The following CGNL1 variants were observed in gnomAD, a reference collection of about 807,000 sequenced individuals.
CGNL1 encodes cingulin like 1, also known as cingulin-like protein 1.
A neutral mutation model predicts 141.2 loss-of-function variants in CGNL1; 132 were observed. The ratio of observed to expected loss-of-function variants is 0.93; its 90% CI spans 0.81 to 1.08. CGNL1 has a LOEUF of 1.08. CGNL1 is among the 50% of genes least tolerant of loss of function. The pLI, the probability that CGNL1 is intolerant of heterozygous loss-of-function variation, is 0.00. For missense variants in CGNL1, 1,870 were observed against 1,588.6 expected (o/e 1.18, Z -3.01); for synonymous variants, 690 against 622.1 (o/e 1.11, Z -1.63).
chr15:57,528,737 G>A lies in CGNL1; in HGVS notation c.3123G>A (p.Thr1041=), dbSNP rs760200854. Residue 1041 remains threonine (T), a synonymous_variant, in exon 13 of 19, where the codon ACG becomes ACA. Coordinates refer to ENST00000281282, the MANE Select transcript of CGNL1 (RefSeq NM_032866.5). ...CAAAAAGGCAGCTTCTGGAGCAGAC[G>A]CTGAAGGACCTGGAGTATGAGCTGG... ...ALTKRQLLEQ[T]LKDLEYELEA... is the part of the protein sequence containing the mutation. 1.3e-5 allele frequency: 21 copies of A among 1,614,028 alleles called. No homozygotes were observed. The highest frequency in any genetic ancestry group is 1.6e-4 in the Middle Eastern group (1 of 6,084).
rs770201755 is a variant in CGNL1, at chr15:57,438,649, G to A, written c.650G>A (p.Arg217His). Reference sequence around the variant, plus strand: ...GCCAAATCTGGTGTGACAGCTATTCGTTTATGCAGCTCCGTGGTCATAGAG... The same window carrying A: ...GCCAAATCTGGTGTGACAGCTATTCATTTATGCAGCTCCGTGGTCATAGAG... The part of the protein sequence containing the change: ...DPAKSGVTAI[R>H]LCSSVVIEDP... Residue 217 changes from arginine to histidine, a missense_variant, in exon 2 of 19, where the codon CGT (arginine) becomes CAT (histidine). By Grantham distance (29) the Arg-to-His change is conservative. Coordinates refer to ENST00000281282, the MANE Select transcript of CGNL1 (RefSeq NM_032866.5). The A allele has an allele frequency of 1.8e-5, 29 of 1,614,108 alleles. No homozygotes were observed. The South Asian group carries it at 3.0e-4, about 16-fold the overall frequency.
intron 1 of CGNL1, among the ~76,000 whole-genome samples, chr15:57,394,643 GT>G (rs1329408871): frequency 1.3e-5 from 2 of 152,202 alleles, no homozygotes; most frequent in African/African-American, 4.8e-5. Flanking sequence ...TATTGTATCA[GT>G]GTTACAAATG....
intron 1 of CGNL1, among the ~76,000 whole-genome samples, chr15:57,419,305 A>G (rs566126433): frequency 1.3e-5 from 2 of 152,234 alleles, no homozygotes; most frequent in Admixed American, 6.5e-5. Context: ...AATTGCAAAG[A>G]TCATACAGAA....
chr15:57,414,789 TCTC>T (rs1180567323), intron 1 of CGNL1, among the ~76,000 whole-genome samples: 34 of 152,194 alleles, frequency 2.2e-4, no homozygotes, highest in African/African-American at 8.0e-4. Context: ...GGCTTCAAAT[TCTC>T]CTTATTAAAC....
intron 1 of CGNL1, among the ~76,000 whole-genome samples, chr15:57,433,534 C>T (rs1401247701): frequency 6.6e-6 from 1 of 152,206 alleles, no homozygotes; most frequent in Non-Finnish European, 1.5e-5. Context: ...AAATGAGGTG[C>T]TTTGCCTGCA....
chr15:57,451,631 T>C (rs1281694703), intron 5 of CGNL1, 30 bp downstream of exon 5: 10 of 1,489,028 alleles, frequency 6.7e-6, no homozygotes, highest in Non-Finnish European at 9.3e-6. Flanking sequence ...TGTTATTTTT[T>C]CCATTTCTGT....
chr15:57,436,373 G>T (rs180784573), intron 1 of CGNL1, among the ~76,000 whole-genome samples: 1 of 152,170 alleles, frequency 6.6e-6, no homozygotes, highest in East Asian at 1.9e-4. Context: ...AAGCTTTTGG[G>T]CTATGTGATG....
In CGNL1 at chr15:57,438,024, C is replaced by G; in HGVS notation, c.25C>G (p.Gln9Glu). The change falls in exon 2 of 19, where the codon CAA becomes GAA. Residue 9 changes from glutamine (Q) to glutamate (E), a missense_variant. By Grantham distance (29) the Gln-to-Glu change is conservative. Coordinates refer to ENST00000281282, the MANE Select transcript of CGNL1 (RefSeq NM_032866.5). MELYFGEYQHVQQEYGVHL... is the reference protein window; with the variant it reads MELYFGEYEHVQQEYGVHL... ...CATGGAGCTGTATTTCGGTGAATAT[C>G]AACATGTGCAGCAGGAATATGGGGT... 6.2e-7 allele frequency: 1 copy of G among 1,613,012 alleles called. No homozygotes were observed. The highest frequency in any genetic ancestry group is 8.5e-7 in the Non-Finnish European group (1 of 1,179,936).
At chr15:57,387,427 A>G (rs1333570648) in intron 1 of CGNL1, among the ~76,000 whole-genome samples, 2 of 151,944 alleles carry the variant, frequency 1.3e-5, no homozygotes, top group Non-Finnish European at 2.9e-5. Context: ...TATTTTTTCC[A>G]CTTTTCCCAT....
At chr15:57,423,698 G>C (rs994549927) in intron 1 of CGNL1, among the ~76,000 whole-genome samples, 2 of 152,132 alleles carry the variant, frequency 1.3e-5, no homozygotes, top group African/African-American at 4.8e-5. Context: ...GGGATGCCAG[G>C]CTCTCCAGAT....
chr15:57,459,899 C>A (rs539392145), intron 7 of CGNL1, among the ~76,000 whole-genome samples: 1 of 152,206 alleles, frequency 6.6e-6, no homozygotes, highest in African/African-American at 2.4e-5. Context: ...CACAGGACAT[C>A]CAGATGGGTT....
intron 8 of CGNL1, among the ~76,000 whole-genome samples, chr15:57,483,468 C>CTTT (rs60667956): frequency 0.19 from 24,563 of 127,578 alleles, 3,089 homozygotes; most frequent in Non-Finnish European, 0.28. Flanking sequence ...ACAAAGTTTT[C>CTTT]TTTTTTTTTT....
intron 8 of CGNL1, among the ~76,000 whole-genome samples, chr15:57,474,220 C>T (rs147621050): frequency 6.6e-6 from 1 of 152,246 alleles, no homozygotes; most frequent in African/African-American, 2.4e-5. Flanking sequence ...CTTTGAGTCA[C>T]TGCTTGATTC....
At position 57,518,425 on chromosome 15, in the gene CGNL1, G is replaced by A. The variant is rs779421291; in HGVS notation, c.2643G>A (p.Val881=). 53 of 1,613,344 alleles carry A rather than the reference G, an allele frequency of 3.3e-5. No homozygotes were observed. The highest frequency in any genetic ancestry group is 4.5e-5 in the Non-Finnish European group (53 of 1,179,736). Residue 881 remains valine, a synonymous_variant, in exon 10 of 19, where the codon GTG becomes GTA. Transcript: ENST00000281282. The part of the protein sequence containing the change: ...GEIRQLEEAL[V]HARKEEKEAV... The stretch of plus-strand genomic sequence containing the variant: ...TACGACAGTTAGAGGAGGCCCTTGT[G>A]CACGCCAGAAAGGAAGAAAAAGAAG...
rs192534665 is a variant in CGNL1 at position 57,418,788 on chromosome 15, A to C, written c.-15-19197A>C. ...AGCAGTGTTCTGAGACCTGACCAGCATGTGTGCCCGGTGACCTATTGAATG... is the reference window on the plus strand; with the variant it reads ...AGCAGTGTTCTGAGACCTGACCAGCCTGTGTGCCCGGTGACCTATTGAATG... On this transcript the variant is annotated intron_variant, in intron 1 of 18. Transcript: ENST00000281282. Among the ~76,000 whole-genome samples the C allele has an allele frequency of 3.5e-3, 529 of 152,244 alleles. 1 individual carries two copies. The highest frequency in any genetic ancestry group is 4.6e-3 in the Non-Finnish European group (311 of 68,018).
chr15:57,493,729 C>G (rs1421810176), intron 8 of CGNL1, among the ~76,000 whole-genome samples: 7 of 152,200 alleles, frequency 4.6e-5, no homozygotes, highest in African/African-American at 9.6e-5. Flanking sequence ...TTTTAGAAAC[C>G]TTTGAAGTAC....
intron 8 of CGNL1, among the ~76,000 whole-genome samples, chr15:57,515,244 G>A (rs1256240078): frequency 3.3e-5 from 5 of 152,218 alleles, no homozygotes; most frequent in African/African-American, 1.2e-4. Flanking sequence ...AGCAACGCCA[G>A]CTAACTTCAT....
rs1018428654 is a variant in CGNL1, at chr15:57,457,918, T to G, written c.2191-3762T>G. 5.3e-5 allele frequency among the ~76,000 whole-genome samples: 8 copies of G among 152,050 alleles called. No individual in the cohort carries two copies. In the East Asian group the frequency reaches 9.6e-4, roughly 18 times the overall value. ...GTGACTGCTTGCTTCTCAGCCTTCT[T>G]GAGTATGTGGTTTTGTGGTCAGGTC... is the stretch of plus-strand genomic sequence containing the variant. On this transcript the variant is annotated intron_variant, in intron 7 of 18. Transcript: ENST00000281282.
In CGNL1 at chr15:57,543,706, T is replaced by G. The variant is rs1424101714; in HGVS notation, c.3302T>G (p.Leu1101Trp). ...ISRSREQMEQLRNELLQERAA... is the reference protein window; with the variant it reads ...ISRSREQMEQWRNELLQERAA... Reference sequence around the variant, plus strand: ...TTCTGCTTGCTGTAGATGGAGCAGTTGAGGAATGAGCTACTTCAGGAGAGA... The same window carrying G: ...TTCTGCTTGCTGTAGATGGAGCAGTGGAGGAATGAGCTACTTCAGGAGAGA... The change falls in exon 15 of 19, where the codon TTG becomes TGG. Residue 1101 changes from leucine (L) to tryptophan (W), a missense_variant. Leu to Trp is a moderately conservative substitution (Grantham distance 61, BLOSUM62 -2). Transcript: ENST00000281282. The G allele has an allele frequency of 6.2e-7, 1 of 1,613,582 alleles. No individual in the cohort carries two copies. Among genetic ancestry groups the G allele is most frequent in the Non-Finnish European group, 8.5e-7 (1 of 1,179,726 alleles).
Sources: allele counts gnomAD v4.1 joint callset (sites outside exome capture counted in the v4.1 genomes callset), GRCh38; gene constraint gnomAD v4.1.1; transcripts MANE v1.5; gene names NCBI Gene and HGNC (gene_info 2026-07-23, HGNC 2026-07-21).